FAT3: variants seen among roughly 807,000 people sequenced by gnomAD.
FAT3 encodes FAT atypical cadherin 3.
FAT3 carries 95 observed loss-of-function variants against 310.2 expected under a neutral mutation model. That is an observed-to-expected ratio of 0.31 (90% CI 0.26 to 0.36). The LOEUF (loss-of-function observed/expected upper bound fraction) is 0.36, where lower values mean the gene tolerates loss of function less well. FAT3 is among the 10% of genes least tolerant of loss of function. The pLI is 1.00. For missense variants in FAT3, 5,408 were observed against 5,715.6 expected, an observed-to-expected ratio of 0.95 and a Z score of 1.74; for synonymous variants, 2,314 against 2,192.9, an observed-to-expected ratio of 1.06 and a Z score of -1.54.
chr11:92,340,012 T>G (rs1261840964), intron 1 of FAT3, among the ~76,000 whole-genome samples: 3 of 147,340 alleles, frequency 2.0e-5, no homozygotes, highest in Non-Finnish European at 4.4e-5. Context: ...CTCGGGAGGC[T>G]GAGGCAGGAG....
At chr11:92,847,344 A>C (rs1358910077) in intron 19 of FAT3, among the ~76,000 whole-genome samples, 1 of 152,214 alleles carries the variant, frequency 6.6e-6, no homozygotes, top group Non-Finnish European at 1.5e-5. Context: ...CCTGTAGCCT[A>C]GGAGCCATAG....
intron 2 of FAT3, among the ~76,000 whole-genome samples, chr11:92,376,664 A>G (rs546544532): frequency 5.1e-4 from 77 of 152,356 alleles, no homozygotes; most frequent in African/African-American, 1.8e-3. Context: ...AATAAAGGTC[A>G]GAAGGGTTAC....
intron 2 of FAT3, among the ~76,000 whole-genome samples, chr11:92,494,065 T>A (rs969330305): frequency 1.3e-5 from 2 of 151,596 alleles, no homozygotes; most frequent in Non-Finnish European, 2.9e-5. Context: ...ATGTGATGTT[T>A]TGGTTTGTTT....
At chr11:92,689,628 G>A (rs961633232) in intron 3 of FAT3, among the ~76,000 whole-genome samples, 1 of 152,174 alleles carries the variant, frequency 6.6e-6, no homozygotes, top group Non-Finnish European at 1.5e-5. Flanking sequence ...CATGAAGACT[G>A]GTGATGAGGA....
In FAT3 at chr11:92,799,173, G is replaced by A; in HGVS notation, c.6160G>A (p.Val2054Ile). ...AGAACAAGAGTTATATGAGCTGGTG[G>A]TAGAAGCCAGCCGTGAGCTGGACCA... ...REEQELYELVVEASRELDHLR... is the reference protein window; with the variant it reads ...REEQELYELVIEASRELDHLR... The change falls in exon 10 of 28, where the codon GTA becomes ATA. Residue 2054 changes from valine (V) to isoleucine (I), a missense_variant. Coordinates refer to ENST00000525166, the MANE Select transcript of FAT3 (RefSeq NM_001367949.2). 2 of 1,613,930 alleles carry A rather than the reference G, an allele frequency of 1.2e-6. No individual in the cohort carries two copies. Among genetic ancestry groups the A allele is most frequent in the Non-Finnish European group, 1.7e-6 (2 of 1,179,858 alleles).
At chr11:92,446,802 A>C (rs747890275) in intron 2 of FAT3, among the ~76,000 whole-genome samples, 1 of 152,160 alleles carries the variant, frequency 6.6e-6, no homozygotes, top group African/African-American at 2.4e-5. Flanking sequence ...TGTATCATTG[A>C]AAGTGGAAAT....
intron 3 of FAT3, among the ~76,000 whole-genome samples, chr11:92,551,803 GAAAACA>G (rs1223652134): frequency 6.6e-6 from 1 of 152,006 alleles, no homozygotes; most frequent in African/African-American, 2.4e-5. Flanking sequence ...GTTTCTTTAA[GAAAACA>G]AAAACAAAAA....
At chr11:92,227,007 G>A (rs1223019252) in intron 1 of FAT3, among the ~76,000 whole-genome samples, 1 of 152,032 alleles carries the variant, frequency 6.6e-6, no homozygotes, top group Non-Finnish European at 1.5e-5. Context: ...CCCCCAACCC[G>A]CCCCGGCCCC....
Position 92,866,978 on chromosome 11 carries a change from A to T in FAT3, c.11896A>T (p.Asn3966Tyr), listed in dbSNP as rs1433975066. Residue 3966 changes from asparagine to tyrosine, a missense_variant, in exon 22 of 28, where the codon AAC (asparagine) becomes TAC (tyrosine). Around this residue, in one of 5 missense-constraint regions of FAT3, gnomAD observed 4,588 missense variants for 4,809.8 expected, o/e 0.95. Transcript: ENST00000525166. ...IYFGALVQAD[N>Y]IRSLTDTRVT... is the part of the protein sequence containing the mutation. ...CTTCGGCGCCCTGGTGCAAGCGGAT[A>T]ACATCCGCAGCCTGACTGACACGCG... The T allele has an allele frequency of 6.2e-7, 1 of 1,612,244 alleles. No individual in the cohort carries two copies.
At chr11:92,385,049 A>G (rs1399414745) in intron 2 of FAT3, among the ~76,000 whole-genome samples, 1 of 152,200 alleles carries the variant, frequency 6.6e-6, no homozygotes, top group Non-Finnish European at 1.5e-5. Flanking sequence ...CAGCATGGGC[A>G]CACCTAATGC....
chr11:92,684,658 T>C (rs942359425), intron 3 of FAT3, among the ~76,000 whole-genome samples: 13 of 152,198 alleles, frequency 8.5e-5, no homozygotes, highest in Admixed American at 5.2e-4. Flanking sequence ...TATGTAGTTA[T>C]ATTTATCCTG....
intron 4 of FAT3, among the ~76,000 whole-genome samples, chr11:92,708,310 A>G (rs965901233): frequency 6.6e-6 from 1 of 152,242 alleles, no homozygotes; most frequent in Non-Finnish European, 1.5e-5. Context: ...CTTATAAGAC[A>G]CTGTCCTAAT....
intron 3 of FAT3, among the ~76,000 whole-genome samples, chr11:92,646,291 G>A (rs1290310797): frequency 6.6e-6 from 1 of 152,180 alleles, no homozygotes; most frequent in Non-Finnish European, 1.5e-5. Context: ...CCTGCATGTG[G>A]CTTTTTCTCA....
At chr11:92,442,096 TATA>T (rs1951079892) in intron 2 of FAT3, among the ~76,000 whole-genome samples, 5 of 49,194 alleles carry the variant, frequency 1.0e-4, no homozygotes, top group African/African-American at 2.6e-4. Context: ...TATATATATA[TATA>T]TATATATATA....
chr11:92,874,099 T>C (rs1949463466), intron 22 of FAT3, among the ~76,000 whole-genome samples: 1 of 151,880 alleles, frequency 6.6e-6, no homozygotes, highest in South Asian at 2.1e-4. Flanking sequence ...GCTAATTATT[T>C]CCTTATTTGA....
At chr11:92,530,750 A>C (rs1469406243) in intron 3 of FAT3, among the ~76,000 whole-genome samples, 1 of 152,272 alleles carries the variant, frequency 6.6e-6, no homozygotes, top group African/African-American at 2.4e-5. Flanking sequence ...TTAGTTCATA[A>C]GATATGGATG....
At chr11:92,535,284 GGATTGCCA>G (rs1250116298) in intron 3 of FAT3, among the ~76,000 whole-genome samples, 1 of 152,238 alleles carries the variant, frequency 6.6e-6, no homozygotes, top group African/African-American at 2.4e-5. Context: ...GGAATTCCAA[GGATTGCCA>G]GAAGCTAGGA....
chr11:92,330,968 GT>G (rs1947903968), intron 1 of FAT3, among the ~76,000 whole-genome samples: 5 of 94,030 alleles, frequency 5.3e-5, no homozygotes, highest in Admixed American at 2.0e-4. Flanking sequence ...AGTAAAGGGT[GT>G]GTGTGTGTGT....
intron 2 of FAT3, among the ~76,000 whole-genome samples, chr11:92,490,854 C>A (rs1448359019): frequency 6.6e-6 from 1 of 152,054 alleles, no homozygotes; most frequent in Middle Eastern, 3.2e-3. Context: ...GTATATATTT[C>A]ATTTAATCCA....
Sources: allele counts gnomAD v4.1 joint callset (sites outside exome capture counted in the v4.1 genomes callset), GRCh38; gene constraint gnomAD v4.1.1; regional missense constraint gnomAD v4.1.1; transcripts MANE v1.5; gene names NCBI Gene and HGNC (gene_info 2026-07-23, HGNC 2026-07-21).